Variants in PTPRG observed in about 807,000 individuals in gnomAD.
PTPRG encodes protein tyrosine phosphatase receptor type G, also known as receptor-type tyrosine-protein phosphatase gamma.
A neutral mutation model predicts 165.3 loss-of-function variants in PTPRG; 102 were observed. The observed-to-expected ratio is 0.62, with a 90% confidence interval of 0.53 to 0.73. The LOEUF (loss-of-function observed/expected upper bound fraction) is 0.73. PTPRG is among the 30% of genes least tolerant of loss of function. The pLI is 0.00. For synonymous variants in PTPRG, 675 were observed against 669.5 expected (o/e 1.01, Z -0.13); for missense variants, 1,866 against 1,861.4 (o/e 1.00, Z -0.05).
intron 2 of PTPRG, among the ~76,000 whole-genome samples, chr3:61,775,213 G>A (rs765134521): frequency 5.9e-5 from 9 of 152,078 alleles, no homozygotes; most frequent in Non-Finnish European, 1.2e-4. Flanking sequence ...TGGGATTACA[G>A]GCATTTGCCA....
At chr3:61,910,210 A>G (rs979011652) in intron 2 of PTPRG, among the ~76,000 whole-genome samples, 5 of 152,138 alleles carry the variant, frequency 3.3e-5, no homozygotes, top group African/African-American at 1.2e-4. Context: ...GATCCATCCC[A>G]TTCTTACCCA....
chr3:62,270,086 TAAG>T (rs1372974264), intron 20 of PTPRG, among the ~76,000 whole-genome samples: 1 of 152,130 alleles, frequency 6.6e-6, no homozygotes, highest in South Asian at 2.1e-4. Flanking sequence ...AAACTGCAGA[TAAG>T]GAGGAAATAC....
rs1417085119 is a variant in PTPRG at position 62,237,044 on chromosome 3, G to A, written c.2375+5733G>A. On this transcript the variant is annotated intron_variant, in intron 14 of 29. Transcript: ENST00000474889. This position sits in a 1 kb window ranked among gnomAD's most constrained non-coding sequence, Gnocchi z 4.5. ...GAATTCCAGACATTTCTAATGTTCA[G>A]TCTTTCTGCACTCAAGTTCAGCACT... is the stretch of plus-strand genomic sequence containing the variant. Among the ~76,000 whole-genome samples, 4 of 152,170 alleles carry A rather than the reference G, an allele frequency of 2.6e-5. No individual in the cohort carries two copies. Among genetic ancestry groups the A allele is most frequent in the Non-Finnish European group, 5.9e-5 (4 of 68,032 alleles).
intron 2 of PTPRG, among the ~76,000 whole-genome samples, chr3:61,916,867 T>C (rs2038950671): frequency 6.6e-6 from 1 of 152,246 alleles, no homozygotes. Context: ...TTAATCACTC[T>C]TGATAAAAAT....
intron 2 of PTPRG, among the ~76,000 whole-genome samples, chr3:61,945,976 ACTTTCT>A (rs1331099318): frequency 1.4e-5 from 2 of 138,380 alleles, no homozygotes; most frequent in Non-Finnish European, 3.0e-5. Flanking sequence ...TGCTCAGCCA[ACTTTCT>A]TGATTGATTG....
chr3:62,049,148 A>G (rs1301904013), intron 4 of PTPRG, among the ~76,000 whole-genome samples: 1 of 152,114 alleles, frequency 6.6e-6, no homozygotes, highest in Non-Finnish European at 1.5e-5. Flanking sequence ...CCGGGGAGAA[A>G]CGTATCTCAT....
chr3:61,768,469 CT>C (rs1358212298), intron 2 of PTPRG, among the ~76,000 whole-genome samples: 9 of 152,264 alleles, frequency 5.9e-5, no homozygotes, highest in Non-Finnish European at 1.2e-4. Context: ...AGTACTGAGT[CT>C]GTGTAGGAAG....
intron 2 of PTPRG, among the ~76,000 whole-genome samples, chr3:61,778,385 C>A (rs2034446422): frequency 6.6e-6 from 1 of 152,058 alleles, no homozygotes; most frequent in African/African-American, 2.4e-5. Context: ...AGCTGCACTC[C>A]TATGCAAACG....
intron 2 of PTPRG, among the ~76,000 whole-genome samples, chr3:61,942,593 A>G (rs796362653): frequency 8.5e-5 from 13 of 152,316 alleles, no homozygotes; most frequent in African/African-American, 3.1e-4. Context: ...GTTAATGATG[A>G]TGACCATGAA....
intron 2 of PTPRG, among the ~76,000 whole-genome samples, chr3:61,871,059 C>A (rs1427747002): frequency 1.3e-5 from 2 of 151,862 alleles, no homozygotes; most frequent in African/African-American, 4.8e-5. Flanking sequence ...GGGGCAATCA[C>A]CAGAGTGTCT....
chr3:61,868,819 G>A (rs1317348690), intron 2 of PTPRG, among the ~76,000 whole-genome samples: 13 of 151,820 alleles, frequency 8.6e-5, no homozygotes, highest in Non-Finnish European at 1.5e-5. Context: ...TTTGGGCATT[G>A]GTCTTTGTAT....
At chr3:61,995,316 C>T (rs115811336) in intron 3 of PTPRG, among the ~76,000 whole-genome samples, 7,877 of 151,852 alleles carry the variant, frequency 0.052, 423 homozygotes, top group African/African-American at 0.13. Context: ...CTCAAACTCC[C>T]GGCCTCAAGC....
intron 4 of PTPRG, among the ~76,000 whole-genome samples, chr3:62,073,400 C>T (rs1701273030): frequency 6.6e-6 from 1 of 152,146 alleles, no homozygotes; most frequent in African/African-American, 2.4e-5. Context: ...AGCACCTTAG[C>T]CACATGATCA....
intron 2 of PTPRG, among the ~76,000 whole-genome samples, chr3:61,851,758 CAT>C (rs2036971087): frequency 1.3e-5 from 2 of 152,148 alleles, no homozygotes; most frequent in Non-Finnish European, 2.9e-5. Context: ...ATGAGAGAGA[CAT>C]ATTCTGATTG....
chr3:61,633,919 GTT>G (rs1402774175), intron 1 of PTPRG, among the ~76,000 whole-genome samples: 1 of 150,524 alleles, frequency 6.6e-6, no homozygotes, highest in Non-Finnish European at 1.5e-5. Context: ...TGGTGTTGCT[GTT>G]TTGTTCTTTT....
chr3:62,285,453 ATGT>A (rs974277513), intron 28 of PTPRG, among the ~76,000 whole-genome samples: 2 of 122,290 alleles, frequency 1.6e-5, no homozygotes, highest in African/African-American at 6.4e-5. Context: ...TAGTGTGCAA[ATGT>A]TGTGACATCT....
At chr3:61,694,297 G>A (rs972686301) in intron 1 of PTPRG, among the ~76,000 whole-genome samples, 35 of 152,274 alleles carry the variant, frequency 2.3e-4, no homozygotes, top group African/African-American at 7.7e-4. Flanking sequence ...GTCTTTTAAA[G>A]ACATTAAGAA....
chr3:61,865,238 A>C lies in PTPRG; in HGVS notation c.190+116256A>C, dbSNP rs367683887. On this transcript the variant is annotated intron_variant, in intron 2 of 29. Transcript: ENST00000474889. Reference sequence around the variant, plus strand: ...TGCTGTCAGTCACTCCTTGCTCTCAACTCTAGCCACCCATGCCAAACCCCC... The same window carrying C: ...TGCTGTCAGTCACTCCTTGCTCTCACCTCTAGCCACCCATGCCAAACCCCC... 2.6e-5 allele frequency among the ~76,000 whole-genome samples: 4 copies of C among 152,116 alleles called. No individual in the cohort carries two copies. The South Asian group carries it at 6.2e-4, about 24-fold the overall frequency.
rs546272154 is a variant in PTPRG, at chr3:62,233,297, C to T, written c.2375+1986C>T. Reference sequence around the variant, plus strand: ...AGGGGCGCCATGTCTGTGCTTCTTACGCTAGCCGCCCTGCTGTAATGTACA... The same window carrying T: ...AGGGGCGCCATGTCTGTGCTTCTTATGCTAGCCGCCCTGCTGTAATGTACA... On this transcript the variant is annotated intron_variant, in intron 14 of 29. Transcript: ENST00000474889. This position sits in a 1 kb window ranked among gnomAD's most constrained non-coding sequence, Gnocchi z 4.7. Among the ~76,000 whole-genome samples the T allele has an allele frequency of 3.9e-5, 6 of 152,288 alleles. No homozygotes were observed. The highest frequency in any genetic ancestry group is 3.9e-4 in the East Asian group (2 of 5,162).
Sources: allele counts gnomAD v4.1 joint callset (sites outside exome capture counted in the v4.1 genomes callset), GRCh38; gene constraint gnomAD v4.1.1; non-coding constraint Gnocchi (gnomAD v3.1); transcripts MANE v1.5; gene names NCBI Gene and HGNC (gene_info 2026-07-23, HGNC 2026-07-21).